The following MRPS27 variants were observed in gnomAD, a reference collection of about 807,000 sequenced individuals.
MRPS27 encodes the protein small ribosomal subunit protein mS27.
A neutral mutation model predicts 48.9 loss-of-function variants in MRPS27; 43 were observed. The observed-to-expected ratio is 0.88, with a 90% CI of 0.69 to 1.13. The LOEUF (loss-of-function observed/expected upper bound fraction) is 1.13, where lower values mean the gene tolerates loss of function less well. Among genes scored for constraint, MRPS27 ranks in the 50% most tolerant of loss-of-function variants. MRPS27 has a pLI of 0.00. For missense variants in MRPS27, 467 were observed against 476.3 expected (o/e 0.98, Z 0.18); for synonymous variants, 188 against 171.9 (o/e 1.09, Z -0.73).
Position 72,286,818 on chromosome 5 carries a change from A to C in MRPS27, c.281+8713T>G, listed in dbSNP as rs79600463. Among the ~76,000 whole-genome samples, 569 of 152,318 alleles carry C rather than the reference A, an allele frequency of 3.7e-3. 1 individual carries two copies. Among genetic ancestry groups the C allele is most frequent in the African/African-American group, 0.013 (552 of 41,564 alleles). ...GGAAATAGTATGGCTTTTCACCTCAACAAGCACTGGGTGATGGTGATACCA... is the reference window on the plus strand; with the variant it reads ...GGAAATAGTATGGCTTTTCACCTCACCAAGCACTGGGTGATGGTGATACCA... On this transcript the variant is annotated intron_variant, in intron 4 of 10. Coordinates refer to ENST00000261413, the MANE Select transcript of MRPS27 (RefSeq NM_015084.3).
At chr5:72,226,521 G>C (rs1747903927) in intron 8 of MRPS27, among the ~76,000 whole-genome samples, 1 of 152,038 alleles carries the variant, frequency 6.6e-6, no homozygotes, top group Non-Finnish European at 1.5e-5. Flanking sequence ...CTCTAGGTAA[G>C]GATACTCTTA....
intron 2 of MRPS27, 28 bp downstream of exon 2, chr5:72,314,053 C>T: frequency 6.5e-7 from 1 of 1,544,924 alleles, no homozygotes; most frequent in Non-Finnish European, 8.9e-7. Context: ...CCGAAAATGA[C>T]ACATATAATA....
intron 2 of MRPS27, among the ~76,000 whole-genome samples, chr5:72,310,413 G>A (rs1171255413): frequency 6.6e-6 from 1 of 152,078 alleles, no homozygotes. Context: ...GAGGGGGGTG[G>A]GGGAAAATGG....
intron 1 of MRPS27, among the ~76,000 whole-genome samples, chr5:72,315,664 A>G (rs578127170): frequency 2.0e-5 from 3 of 152,314 alleles, no homozygotes; most frequent in African/African-American, 7.2e-5. Flanking sequence ...GAAATGCAAA[A>G]CAAAATCACC....
chr5:72,264,859 T>G (rs1236061364), intron 4 of MRPS27, among the ~76,000 whole-genome samples: 1 of 152,120 alleles, frequency 6.6e-6, no homozygotes, highest in Non-Finnish European at 1.5e-5. Context: ...GCCACCCAGT[T>G]TATGGTACTT....
At chr5:72,281,782 A>G (rs1364906231) in intron 4 of MRPS27, among the ~76,000 whole-genome samples, 2 of 152,222 alleles carry the variant, frequency 1.3e-5, no homozygotes, top group African/African-American at 4.8e-5. Context: ...TACGTATGAG[A>G]TGCACAAAGT....
At chr5:72,296,959 C>T (rs1030605756) in intron 3 of MRPS27, among the ~76,000 whole-genome samples, 1 of 152,146 alleles carries the variant, frequency 6.6e-6, no homozygotes, top group African/African-American at 2.4e-5. Flanking sequence ...ATGTTAAAGA[C>T]AAGCCCAGAT....
At chr5:72,248,359 T>C (rs900712281) in intron 4 of MRPS27, among the ~76,000 whole-genome samples, 1 of 152,150 alleles carries the variant, frequency 6.6e-6, no homozygotes, top group Non-Finnish European at 1.5e-5. Context: ...TCTTTAGTAA[T>C]AAACCAAATA....
intron 4 of MRPS27, among the ~76,000 whole-genome samples, chr5:72,256,286 T>C (rs1748804421): frequency 6.6e-6 from 1 of 152,260 alleles, no homozygotes; most frequent in African/African-American, 2.4e-5. Context: ...TGGGATAGCA[T>C]GCACTTTACA....
intron 8 of MRPS27, 57 bp downstream of exon 8, chr5:72,228,209 A>C (rs1747950096): frequency 7.4e-7 from 1 of 1,349,976 alleles, no homozygotes; most frequent in African/African-American, 1.4e-5. Flanking sequence ...TATGAACTGG[A>C]AGAATGCAAC....
intron 4 of MRPS27, among the ~76,000 whole-genome samples, chr5:72,272,080 C>T (rs1051325171): frequency 5.0e-4 from 74 of 148,598 alleles, no homozygotes; most frequent in African/African-American, 1.8e-3. Flanking sequence ...CACTGGGATT[C>T]CCCCCCCATC....
chr5:72,316,638 G>A (rs1168621021), intron 1 of MRPS27, among the ~76,000 whole-genome samples: 1 of 151,938 alleles, frequency 6.6e-6, no homozygotes, highest in Non-Finnish European at 1.5e-5. Flanking sequence ...AAAGTGCTGG[G>A]ATTACAGGCG....
At chr5:72,314,188 C>A in intron 1 of MRPS27, 30 bp from the exon 2 acceptor site, 1 of 1,522,762 alleles carries the variant, frequency 6.6e-7, no homozygotes, top group Non-Finnish European at 9.1e-7. Flanking sequence ...TTTCAACACA[C>A]ATGGTTTTAC....
At chr5:72,223,179 CAA>C (rs753907354) in intron 10 of MRPS27, among the ~76,000 whole-genome samples, 7 of 152,190 alleles carry the variant, frequency 4.6e-5, no homozygotes, top group Non-Finnish European at 1.0e-4. Flanking sequence ...AGAAACAATG[CAA>C]ACTGTTTACA....
chr5:72,229,298 C>T (rs1026514922), intron 7 of MRPS27: 2 of 152,182 alleles, frequency 1.3e-5, no homozygotes, highest in African/African-American at 4.8e-5. Flanking sequence ...TGAGGCACCC[C>T]AGATGTTCAT....
intron 4 of MRPS27, among the ~76,000 whole-genome samples, chr5:72,263,804 T>C (rs1334085199): frequency 6.6e-6 from 1 of 151,990 alleles, no homozygotes; most frequent in Admixed American, 6.6e-5. Context: ...AAAAGTAAAA[T>C]GGTGCAGCTG....
At chr5:72,297,200 C>G (rs1750003775) in intron 3 of MRPS27, among the ~76,000 whole-genome samples, 1 of 152,150 alleles carries the variant, frequency 6.6e-6, no homozygotes, top group Non-Finnish European at 1.5e-5. Flanking sequence ...GATTCCTAAC[C>G]TAACATTATT....
rs116239898 is a variant in MRPS27 at position 72,281,209 on chromosome 5, C to T, written c.281+14322G>A. Among the ~76,000 whole-genome samples, 179 of 152,282 alleles carry T rather than the reference C, an allele frequency of 1.2e-3. 1 individual carries two copies. Among genetic ancestry groups the T allele is most frequent in the Non-Finnish European group, 2.1e-3 (142 of 68,022 alleles). On this transcript the variant is annotated intron_variant, in intron 4 of 10. Coordinates refer to ENST00000261413, the MANE Select transcript of MRPS27 (RefSeq NM_015084.3). ...CAATCTAGTATAGTCAACATTAAAG[C>T]TAAATTTTATTGAGCACTGACCTTC... is the stretch of plus-strand genomic sequence containing the variant.
chr5:72,258,636 A>C (rs564817565), intron 4 of MRPS27, among the ~76,000 whole-genome samples: 5 of 152,262 alleles, frequency 3.3e-5, no homozygotes, highest in African/African-American at 1.2e-4. Flanking sequence ...TGCCATGTGA[A>C]GAAGAGTGCT....
Sources: gnomAD v4.1 joint callset for allele counts (sites outside exome capture counted in the v4.1 genomes callset) on GRCh38, gnomAD v4.1.1 for gene constraint, MANE v1.5 for transcripts, NCBI Gene and HGNC (gene_info 2026-07-23, HGNC 2026-07-21) for gene names.